SEC16B: variants seen among roughly 807,000 people sequenced by gnomAD.
SEC16B encodes SEC16 homolog B, endoplasmic reticulum export factor, also known as protein transport protein Sec16B.
SEC16B carries 115 observed loss-of-function variants against 141.8 expected under a neutral mutation model. The observed-to-expected ratio is 0.81, with a 90% CI of 0.70 to 0.95. The LOEUF (loss-of-function observed/expected upper bound fraction) is 0.95. Among genes scored for constraint, SEC16B ranks in the 40% least tolerant of loss-of-function variants. SEC16B has a pLI of 0.00. For missense variants in SEC16B, 1,291 were observed against 1,312.3 expected (o/e 0.98, Z 0.25); for synonymous variants, 493 against 492.5 (o/e 1.00, Z -0.01).
rs1652793486 is a variant in SEC16B at position 177,958,353 on chromosome 1, C to G, written c.1144G>C (p.Gly382Arg). ...ATTAGCAGCTCAGCGATGTCAGACCCCACCATGGACTGTAAGGCAAAGAGG... is the reference window on the plus strand; with the variant it reads ...ATTAGCAGCTCAGCGATGTCAGACCGCACCATGGACTGTAAGGCAAAGAGG... ...LLCRQNGSMV[G>R]SDIAELLMQD... Residue 382 changes from glycine to arginine, a missense_variant, in exon 10 of 26, where the codon GGG becomes CGG. By Grantham distance (125) the Gly-to-Arg change is moderately radical. Around this residue, in one of 3 missense-constraint regions of SEC16B, gnomAD observed 681 missense variants for 675.5 expected, o/e 1.01. Coordinates refer to ENST00000308284, the MANE Select transcript of SEC16B (RefSeq NM_033127.4). 6 of 1,587,444 alleles carry G rather than the reference C, an allele frequency of 3.8e-6. No individual in the cohort carries two copies. Among genetic ancestry groups the G allele is most frequent in the Non-Finnish European group, 5.1e-6 (6 of 1,166,478 alleles).
At chr1:177,975,969 T>C (rs571105773) in intron 1 of SEC16B, among the ~76,000 whole-genome samples, 1 of 151,990 alleles carries the variant, frequency 6.6e-6, no homozygotes, top group African/African-American at 2.4e-5. Flanking sequence ...CAAGAAAAGA[T>C]GGTGCCTGTG....
At chr1:177,970,673 C>T (rs1653901909), upstream of SEC16B, among the ~76,000 whole-genome samples, 1 of 152,192 alleles carries the variant, frequency 6.6e-6, no homozygotes, top group African/African-American at 2.4e-5. Context: ...CAGTACTGAA[C>T]TGAAGGCACT....
intron 12 of SEC16B, 82 bp from the exon 13 acceptor site, chr1:177,948,024 G>A (rs1651868725): frequency 8.9e-7 from 1 of 1,126,460 alleles, no homozygotes; most frequent in Non-Finnish European, 1.3e-6. Flanking sequence ...TCTATTTCCT[G>A]GTTCAGAAGT....
chr1:177,941,784 C>T, intron 16 of SEC16B, 116 bp downstream of exon 16: 1 of 1,225,930 alleles, frequency 8.2e-7, no homozygotes, highest in Non-Finnish European at 1.1e-6. Flanking sequence ...TGGCCGTGGG[C>T]TCCAATTTTA....
chr1:177,970,665 G>A (rs1653900985), upstream of SEC16B, among the ~76,000 whole-genome samples: 1 of 152,150 alleles, frequency 6.6e-6, no homozygotes, highest in African/African-American at 2.4e-5. Flanking sequence ...TATATCCCCA[G>A]TACTGAACTG....
chr1:177,948,613 C>G, intron 12 of SEC16B: 1 of 1,303,614 alleles, frequency 7.7e-7, no homozygotes, highest in Non-Finnish European at 1.0e-6. Flanking sequence ...TGGTGTTTTC[C>G]CCACAATCTC....
intron 20 of SEC16B, 97 bp downstream of exon 20, chr1:177,936,201 G>T: frequency 1.1e-6 from 1 of 914,926 alleles, no homozygotes; most frequent in South Asian, 1.4e-5. Flanking sequence ...CTGCAACACT[G>T]AGGAGGAGCT....
At position 177,933,305 on chromosome 1, in the gene SEC16B, C is replaced by T. The variant is rs1650589034; in HGVS notation, c.2732G>A (p.Gly911Glu). 6.2e-7 allele frequency: 1 copy of T among 1,600,592 alleles called. No individual in the cohort carries two copies. The highest frequency in any genetic ancestry group is 1.1e-5 in the South Asian group (1 of 88,472). The change falls in exon 22 of 26, where the codon GGG becomes GAG. Residue 911 changes from glycine to glutamate, a missense_variant. Physicochemically the swap from Gly to Glu is moderately conservative, Grantham distance 98. Around this residue, in one of 3 missense-constraint regions of SEC16B, gnomAD observed 605 missense variants for 614.1 expected, o/e 0.99. Transcript: ENST00000308284. ...TCGAAACCAGCTGAACCAGCCAAAC[C>T]CTGAGCTCTGGAAGGGGAAGAGGAC... ...GDGKEHTKSS[G>E]FGWFSWFRSK...
chr1:177,977,239 A>C (rs1571362530), intron 1 of SEC16B, among the ~76,000 whole-genome samples: 1 of 152,178 alleles, frequency 6.6e-6, no homozygotes, highest in Non-Finnish European at 1.5e-5. Context: ...GAAAATTTTG[A>C]GAGATGCACT....
rs779733270 is a variant in SEC16B at position 177,960,847 on chromosome 1, C to T, written c.880G>A (p.Gly294Ser). The change falls in exon 7 of 26, where the codon GGT becomes AGT. Residue 294 changes from glycine (G) to serine (S), a missense_variant. Gly to Ser is a moderately conservative substitution (Grantham distance 56, BLOSUM62 0). Around this residue, in one of 3 missense-constraint regions of SEC16B, gnomAD observed 681 missense variants for 675.5 expected, o/e 1.01. Coordinates refer to ENST00000308284, the MANE Select transcript of SEC16B (RefSeq NM_033127.4). ...FGPGGQLVHV[G>S]PSSPTDGQAA... ...TGCCCGTCAGTGGGAGAGCTGGGAC[C>T]TACATGCACCAGCTGACCTCCTGGC... 2 of 1,596,962 alleles carry T rather than the reference C, an allele frequency of 1.3e-6. No individual in the cohort carries two copies. Among genetic ancestry groups the T allele is most frequent in the Non-Finnish European group, 1.7e-6 (2 of 1,169,142 alleles).
At chr1:177,957,391 T>A (rs1652692244) in intron 10 of SEC16B, among the ~76,000 whole-genome samples, 2 of 152,158 alleles carry the variant, frequency 1.3e-5, no homozygotes, top group South Asian at 4.1e-4. Context: ...TACCATATCA[T>A]CTTAAGTTTA....
Position 177,936,341 on chromosome 1 carries a change from G to A in SEC16B, c.2528C>T (p.Thr843Ile). The A allele has an allele frequency of 6.2e-7, 1 of 1,610,694 alleles. No homozygotes were observed. The highest frequency in any genetic ancestry group is 1.7e-4 in the Middle Eastern group (1 of 6,056). The change falls in exon 20 of 26, where the codon ACT (threonine) becomes ATT (isoleucine). Residue 843 changes from threonine (T) to isoleucine (I), a missense_variant. This residue lies in a region of SEC16B where 605 missense variants were observed against 614.1 expected (regional missense o/e 0.99). Transcript: ENST00000308284. ...CTCTTGGCCATCAGGAGGCTGGGAA[G>A]TTTCTTGAGACACTGTGTTCTCTCC... ...GPGENTVSQE[T>I]SQPPDGQEVI...
At chr1:177,930,863 A>C (rs1209079498) in intron 24 of SEC16B, among the ~76,000 whole-genome samples, 1 of 152,238 alleles carries the variant, frequency 6.6e-6, no homozygotes, top group Non-Finnish European at 1.5e-5. Context: ...CATCAGGGAA[A>C]TGCAAATTAA....
chr1:177,962,059 T>C (rs1653108258), intron 5 of SEC16B, among the ~76,000 whole-genome samples: 1 of 151,970 alleles, frequency 6.6e-6, no homozygotes. Flanking sequence ...CTTCAAGCAA[T>C]TCATGTATTC....
At chr1:177,973,402 T>C (rs1482946431), upstream of SEC16B, 2 of 152,254 alleles carry the variant, frequency 1.3e-5, no homozygotes, top group Non-Finnish European at 2.9e-5. Flanking sequence ...TGGATGATTT[T>C]ATTTTCTTCC....
chr1:177,964,920 C>T, intron 4 of SEC16B, 127 bp downstream of exon 4: 1 of 1,142,640 alleles, frequency 8.8e-7, no homozygotes, highest in Non-Finnish European at 1.2e-6. Context: ...TCCCATATCC[C>T]TGTGGCTACA....
At chr1:177,946,620 T>A in intron 13 of SEC16B, 89 bp from the exon 14 acceptor site, 1 of 986,006 alleles carries the variant, frequency 1.0e-6, no homozygotes, top group Non-Finnish European at 1.5e-6. Context: ...GATGGAAGAG[T>A]GGCCTCGGGG....
chr1:177,960,875 G>A lies in SEC16B; in HGVS notation c.852C>T (p.Phe284=), dbSNP rs770674852. 2.7e-5 allele frequency: 44 copies of A among 1,602,078 alleles called. No homozygotes were observed. Among genetic ancestry groups the A allele is most frequent in the East Asian group, 4.5e-5 (2 of 44,416 alleles). ...CATGCACCAGCTGACCTCCTGGCCC[G>A]AAACTCACAGGAACATGAGGGATGT... The part of the protein sequence containing the change: ...KFYIPHVPVS[F]GPGGQLVHVG... Residue 284 remains phenylalanine, a synonymous_variant, in exon 7 of 26, where the codon TTC becomes TTT. Coordinates refer to ENST00000308284, the MANE Select transcript of SEC16B (RefSeq NM_033127.4).
At chr1:177,982,130 A>C (rs1654442577) in intron 1 of SEC16B, among the ~76,000 whole-genome samples, 1 of 152,196 alleles carries the variant, frequency 6.6e-6, no homozygotes. Context: ...GTAAGACATC[A>C]AATTACATAA....
Sources: gnomAD v4.1 joint callset for allele counts (sites outside exome capture counted in the v4.1 genomes callset) on GRCh38, gnomAD v4.1.1 for gene constraint, gnomAD v4.1.1 regional missense constraint, MANE v1.5 for transcripts, NCBI Gene and HGNC (gene_info 2026-07-23, HGNC 2026-07-21) for gene names.